Variants in TOGARAM2 observed in about 807,000 individuals in gnomAD.
The protein encoded by TOGARAM2 is TOG array regulator of axonemal microtubules 2, also known as TOG array regulator of axonemal microtubules protein 2.
A neutral mutation model predicts 93.3 loss-of-function variants in TOGARAM2; 85 were observed. That is an observed-to-expected ratio of 0.91 (90% CI 0.76 to 1.09). The LOEUF (loss-of-function observed/expected upper bound fraction) is 1.09. Ranked by LOEUF, TOGARAM2 falls within the 50% of genes least tolerant of loss-of-function variation. The probability of loss-of-function intolerance (pLI) is 0.00; values close to 1 mark genes in which losing one functional copy is unlikely to be tolerated. For missense variants in TOGARAM2, 1,277 were observed against 1,334.5 expected, an observed-to-expected ratio of 0.96 and a Z score of 0.67; for synonymous variants, 593 against 552.8, an observed-to-expected ratio of 1.07 and a Z score of -1.02.
chr2:28,982,512 G>A (rs1036637161), intron 1 of TOGARAM2, among the ~76,000 whole-genome samples: 5 of 152,158 alleles, frequency 3.3e-5, no homozygotes, highest in Non-Finnish European at 7.4e-5. Flanking sequence ...TGCAGGAGAC[G>A]GCCCTGCAGC....
In TOGARAM2 at chr2:29,024,243, C is replaced by T. The variant is rs775525888; in HGVS notation, c.1722C>T (p.Ala574=). The part of the protein sequence containing the change: ...KNMDQEAEEI[A]RCLLQKMADT... ...TGGACCAGGAGGCCGAGGAGATCGC[C>T]CGCTGCTTGCTGCAGAAGATGGCGG... Residue 574 remains alanine, a synonymous_variant, in exon 13 of 20, where the codon GCC becomes GCT. Transcript: ENST00000379558. 1 of 1,611,550 alleles carries T rather than the reference C, an allele frequency of 6.2e-7. No homozygotes were observed. Among genetic ancestry groups the T allele is most frequent in the South Asian group, 1.1e-5 (1 of 90,422 alleles).
At position 29,003,692 on chromosome 2, in the gene TOGARAM2, C is replaced by G. The variant is rs759450816; in HGVS notation, c.830+10C>G. 6.7e-7 allele frequency: 1 copy of G among 1,502,808 alleles called. No individual in the cohort carries two copies. Among genetic ancestry groups the G allele is most frequent in the Non-Finnish European group, 8.9e-7 (1 of 1,124,578 alleles). The allele number at this position is 1,502,808 out of a possible 1,614,324, so 93.1% of individuals were successfully genotyped here. On this transcript the variant is annotated intron_variant, in intron 6 of 19. Transcript: ENST00000379558. ...GGGCCCCACGCACGCGGTAAGAGCT[C>G]CAAGTCAAACCTTCCTTGCTGACTT...
At chr2:29,006,201 GTGCATGTGTT>G (rs1663814493) in intron 6 of TOGARAM2, among the ~76,000 whole-genome samples, 1 of 150,328 alleles carries the variant, frequency 6.7e-6, no homozygotes. Context: ...ATGTGTGTGA[GTGCATGTGTT>G]TGTGTGTGTG....
rs753940304 is a variant in TOGARAM2 at position 29,022,173 on chromosome 2, C to A, written c.1376C>A (p.Ala459Glu). 7.4e-6 allele frequency: 12 copies of A among 1,613,996 alleles called. No individual in the cohort carries two copies. The highest frequency in any genetic ancestry group is 1.0e-5 in the Non-Finnish European group (12 of 1,179,876). Residue 459 changes from alanine to glutamate, a missense_variant, in exon 11 of 20, where the codon GCG becomes GAG. Ala to Glu is a moderately radical substitution (Grantham distance 107, BLOSUM62 -1). Coordinates refer to ENST00000379558, the MANE Select transcript of TOGARAM2 (RefSeq NM_199280.4). ...ARHASANSLPAVLTLGSPEWE... is the reference protein window; with the variant it reads ...ARHASANSLPEVLTLGSPEWE... ...GTGAATGCAGCTAACTCATTACCTG[C>A]GGTGCTCACGTTGGGGTCTCCTGAA...
At chr2:28,980,144 C>T (rs956970190), upstream of TOGARAM2, among the ~76,000 whole-genome samples, 2 of 152,320 alleles carry the variant, frequency 1.3e-5, no homozygotes, top group East Asian at 1.9e-4. Context: ...TCAGGAGTTC[C>T]GTTCGCCTTG....
Position 29,007,627 on chromosome 2 carries a change from G to A in TOGARAM2, c.831-3828G>A, listed in dbSNP as rs192260081. ...CATCTTTCATTTTCCTGCTTCCCCC[G>A]CCACCTTGCACACCTCTTGCAGGCC... On this transcript the variant is annotated intron_variant, in intron 6 of 19. Coordinates refer to ENST00000379558, the MANE Select transcript of TOGARAM2 (RefSeq NM_199280.4). 2.8e-3 allele frequency among the ~76,000 whole-genome samples: 425 copies of A among 151,850 alleles called. 1 individual carries two copies. Among genetic ancestry groups the A allele is most frequent in the Admixed American group, 3.1e-3 (47 of 15,262 alleles).
At chr2:29,049,995 G>GAGAGAGA (rs1666975150) in intron 19 of TOGARAM2, 1 of 152,144 alleles carries the variant, frequency 6.6e-6, no homozygotes, top group Non-Finnish European at 1.5e-5. Flanking sequence ...GACCCGTGGG[G>GAGAGAGA]CTCTAAGGGG....
At chr2:29,048,302 A>G (rs1482710207) in intron 19 of TOGARAM2, 2 of 152,008 alleles carry the variant, frequency 1.3e-5, no homozygotes, top group Non-Finnish European at 1.5e-5. Context: ...ATTCAAGATG[A>G]GATTTGGGTG....
At chr2:29,006,136 A>T (rs1282705705) in intron 6 of TOGARAM2, among the ~76,000 whole-genome samples, 3 of 97,106 alleles carry the variant, frequency 3.1e-5, no homozygotes, top group Admixed American at 2.2e-4. Flanking sequence ...CATGTGTGTG[A>T]GAGCATGCAT....
At chr2:28,984,655 C>A (rs892401025) in intron 1 of TOGARAM2, among the ~76,000 whole-genome samples, 8 of 152,188 alleles carry the variant, frequency 5.3e-5, no homozygotes, top group Non-Finnish European at 1.0e-4. Flanking sequence ...GGCAGTGGAC[C>A]AAGCCATTTT....
chr2:29,012,142 G>T (rs1325810169), intron 7 of TOGARAM2, among the ~76,000 whole-genome samples: 1 of 152,188 alleles, frequency 6.6e-6, no homozygotes, highest in Non-Finnish European at 1.5e-5. Context: ...TCTATGGGGA[G>T]GTGGGACGGG....
rs1268801450 is a variant in TOGARAM2 at position 29,036,729 on chromosome 2, T to C, written c.2607T>C (p.Ala869=). ...KNSGIYAAAV[A]VLDAMVESLD... ...CAGGGATTTACGCTGCTGCCGTGGCTGTGCTGGATGCGATGGTTGAGAGCC... is the reference window on the plus strand; with the variant it reads ...CAGGGATTTACGCTGCTGCCGTGGCCGTGCTGGATGCGATGGTTGAGAGCC... Residue 869 remains alanine, a synonymous_variant, in exon 18 of 20, where the codon GCT becomes GCC. Coordinates refer to ENST00000379558, the MANE Select transcript of TOGARAM2 (RefSeq NM_199280.4). The C allele has an allele frequency of 6.2e-7, 1 of 1,613,694 alleles. No individual in the cohort carries two copies. Among genetic ancestry groups the C allele is most frequent in the African/African-American group, 1.3e-5 (1 of 74,926 alleles).
intron 1 of TOGARAM2, among the ~76,000 whole-genome samples, chr2:28,965,806 A>C (rs1403761314): frequency 6.6e-6 from 1 of 152,062 alleles, no homozygotes; most frequent in Non-Finnish European, 1.5e-5. Flanking sequence ...CAGTACCACT[A>C]GATTGGGATG....
intron 1 of TOGARAM2, among the ~76,000 whole-genome samples, chr2:28,986,112 CAA>C (rs34903095): frequency 1.4e-4 from 13 of 95,034 alleles, no homozygotes; most frequent in East Asian, 4.1e-4. Flanking sequence ...AACTGTGTCT[CAA>C]AAAAAAAAAA....
intron 4 of TOGARAM2, among the ~76,000 whole-genome samples, chr2:29,002,309 T>A (rs1054202190): frequency 1.3e-5 from 2 of 152,188 alleles, no homozygotes; most frequent in Non-Finnish European, 2.9e-5. Context: ...ACGCTGCCTC[T>A]GAATTCTAAA....
At chr2:29,003,446 T>C in intron 5 of TOGARAM2, 46 bp from the exon 6 acceptor site, 1 of 1,402,116 alleles carries the variant, frequency 7.1e-7, no homozygotes, top group Non-Finnish European at 9.4e-7. Flanking sequence ...GCATTCACCA[T>C]GGGATGTTGC....
At chr2:28,979,697 G>T (rs929919796), upstream of TOGARAM2, among the ~76,000 whole-genome samples, 1 of 152,216 alleles carries the variant, frequency 6.6e-6, no homozygotes, top group Non-Finnish European at 1.5e-5. Flanking sequence ...AGAGTGTGGA[G>T]AGCCCAGGAG....
rs778354552 is a variant in TOGARAM2, at chr2:29,002,642, C to T, written c.534C>T (p.Ile178=). Residue 178 remains isoleucine, a synonymous_variant, in exon 5 of 20, where the codon ATC becomes ATT. Coordinates refer to ENST00000379558, the MANE Select transcript of TOGARAM2 (RefSeq NM_199280.4). ...LLRVPRPMPL[I]QSIPTTPEAS... Reference sequence around the variant, plus strand: ...GGGTGCCCAGGCCGATGCCTCTCATCCAGAGCATCCCTACCACCCCTGAGG... The same window carrying T: ...GGGTGCCCAGGCCGATGCCTCTCATTCAGAGCATCCCTACCACCCCTGAGG... The T allele has an allele frequency of 1.2e-6, 2 of 1,614,018 alleles. No individual in the cohort carries two copies. The highest frequency in any genetic ancestry group is 1.7e-5 in the Admixed American group (1 of 60,030).
chr2:29,034,063 C>CT (rs996250988), intron 16 of TOGARAM2, among the ~76,000 whole-genome samples: 11 of 152,200 alleles, frequency 7.2e-5, no homozygotes, highest in African/African-American at 2.7e-4. Context: ...AACTGAAGCC[C>CT]TTCTGTAATG....
Sources: allele counts gnomAD v4.1 joint callset (sites outside exome capture counted in the v4.1 genomes callset), GRCh38; gene constraint gnomAD v4.1.1; transcripts MANE v1.5; gene names NCBI Gene and HGNC (gene_info 2026-07-23, HGNC 2026-07-21).